INTS6L: variants seen among roughly 807,000 people sequenced by gnomAD.
INTS6L encodes integrator complex subunit 6-like.
Under a neutral mutation model 64.7 loss-of-function variants are expected in INTS6L, and 18 were observed. The ratio of observed to expected loss-of-function variants is 0.28; its 90% CI spans 0.19 to 0.41. INTS6L has a LOEUF of 0.41. Among genes scored for constraint, INTS6L ranks in the 10% least tolerant of loss-of-function variants. The probability of loss-of-function intolerance (pLI) is 1.00; values close to 1 mark genes in which losing one functional copy is unlikely to be tolerated. For missense variants in INTS6L, 533 were observed against 661.0 expected, an observed-to-expected ratio of 0.81 and a Z score of 2.12; for synonymous variants, 227 against 235.9, an observed-to-expected ratio of 0.96 and a Z score of 0.34.
chrX:135,577,331 C>T lies in INTS6L; in HGVS notation c.2023C>T (p.Pro675Ser), dbSNP rs1556531596. 1 of 1,211,659 alleles carries T rather than the reference C, an allele frequency of 8.3e-7. No homozygotes were observed. Residue 675 changes from proline to serine, a missense_variant, in exon 15 of 18, where the codon CCT becomes TCT. Coordinates refer to ENST00000639893, the MANE Select transcript of INTS6L (RefSeq NM_001351601.3). ...SLLLRKPQTP[P>S]TVTNHVGGKG... ...GCTGTTGAGGAAACCACAAACACCA[C>T]CTACTGTAACTAACCATGTGGGCGG...
intron 10 of INTS6L, 60 bp downstream of exon 10, chrX:135,569,491 A>G: frequency 1.3e-6 from 1 of 748,493 alleles, no homozygotes; most frequent in Non-Finnish European, 1.8e-6. Flanking sequence ...GTCACAAGAA[A>G]TGTTAGTGAT....
chrX:135,578,734 C>T (rs2087296853), intron 15 of INTS6L, among the ~76,000 whole-genome samples: 2 of 111,513 alleles, frequency 1.8e-5, no homozygotes, highest in South Asian at 7.7e-4. Context: ...CACTATTTCT[C>T]TCTATCCCTC....
intron 5 of INTS6L, 81 bp downstream of exon 5, chrX:135,546,966 T>C (rs1166961116): frequency 2.5e-5 from 28 of 1,133,690 alleles, no homozygotes; most frequent in Non-Finnish European, 3.3e-5. Context: ...ATCCAGTCTT[T>C]ACTTGTTTTC....
chrX:135,523,014 C>T (rs1011350419), intron 2 of INTS6L, among the ~76,000 whole-genome samples: 2 of 111,884 alleles, frequency 1.8e-5, no homozygotes, highest in Non-Finnish European at 3.8e-5. Flanking sequence ...GTAGTGTGGC[C>T]ATTTGAAGAC....
intron 2 of INTS6L, among the ~76,000 whole-genome samples, chrX:135,532,820 C>T (rs1210533276): frequency 8.9e-6 from 1 of 111,928 alleles, no homozygotes; most frequent in African/African-American, 3.2e-5. Flanking sequence ...ACCTGTAATC[C>T]CAGCACTTTG....
intron 2 of INTS6L, among the ~76,000 whole-genome samples, chrX:135,537,096 G>A (rs1556509093): frequency 8.9e-6 from 1 of 111,885 alleles, no homozygotes; most frequent in Non-Finnish European, 1.9e-5. Context: ...ATGAGAAGGT[G>A]GAAATGTGGG....
At chrX:135,550,252 T>G (rs1431498950) in intron 7 of INTS6L, among the ~76,000 whole-genome samples, 1 of 112,174 alleles carries the variant, frequency 8.9e-6, no homozygotes, top group Non-Finnish European at 1.9e-5. Context: ...AAATTCTACT[T>G]CTTCCTACTT....
At chrX:135,576,782 AAAAGGAAAT>A (rs2087241349) in intron 14 of INTS6L, among the ~76,000 whole-genome samples, 1 of 112,620 alleles carries the variant, frequency 8.9e-6, no homozygotes, top group Non-Finnish European at 1.9e-5. Context: ...TGGAGCATAA[AAAAGGAAAT>A]TATTTCCCTT....
chrX:135,569,222 A>G (rs1418964744), intron 9 of INTS6L, 115 bp from the exon 10 acceptor site: 1 of 367,457 alleles, frequency 2.7e-6, no homozygotes, highest in Admixed American at 5.4e-5. Context: ...TAATCAAATA[A>G]ACGCCAATGA....
intron 8 of INTS6L, among the ~76,000 whole-genome samples, chrX:135,555,733 G>T (rs1365666225): frequency 9.0e-6 from 1 of 111,550 alleles, no homozygotes; most frequent in African/African-American, 3.3e-5. Flanking sequence ...CTGTCACCCA[G>T]GGTGGAGCGC....
At position 135,523,334 on chromosome X, in the gene INTS6L, G is replaced by A. The variant is rs1449849041; in HGVS notation, c.189+2016G>A. ...TGAGAATTGCTTGAACCCGGGAGTCGGAGGTTGCAGTGAGCCAAGACCATG... is the reference window on the plus strand; with the variant it reads ...TGAGAATTGCTTGAACCCGGGAGTCAGAGGTTGCAGTGAGCCAAGACCATG... On this transcript the variant is annotated intron_variant, in intron 2 of 17. Transcript: ENST00000639893. 4.0e-5 allele frequency among the ~76,000 whole-genome samples: 4 copies of A among 100,513 alleles called. No individual in the cohort carries two copies. The Admixed American group carries it at 4.6e-4, about 12-fold the overall frequency. 87.3% of individuals were successfully genotyped at this position (100,513 alleles called of 115,157 possible).
chrX:135,573,853 C>G, intron 12 of INTS6L, 86 bp from the exon 13 acceptor site: 1 of 1,029,139 alleles, frequency 9.7e-7, no homozygotes. Flanking sequence ...TAACACTCTT[C>G]AATAACATTT....
chrX:135,533,978 A>C (rs1556506983), intron 2 of INTS6L, among the ~76,000 whole-genome samples: 3 of 111,116 alleles, frequency 2.7e-5, no homozygotes, highest in African/African-American at 9.8e-5. Flanking sequence ...TTTCTGCTTC[A>C]GTAGCAGTGC....
At chrX:135,540,716 G>GCTCCTCCTC (rs149159206) in intron 2 of INTS6L, among the ~76,000 whole-genome samples, 3 of 97,345 alleles carry the variant, frequency 3.1e-5, no homozygotes, top group African/African-American at 3.8e-5. Flanking sequence ...CCTCCTAGCT[G>GCTCCTCCTC]CTCCTCCTCC....
At chrX:135,541,914 C>CT (rs1172743206) in intron 2 of INTS6L, among the ~76,000 whole-genome samples, 3 of 112,142 alleles carry the variant, frequency 2.7e-5, no homozygotes, top group East Asian at 2.8e-4. Context: ...TTATAATTAT[C>CT]TTTTTGGTAG....
At chrX:135,547,482 T>C (rs960814063) in intron 6 of INTS6L, among the ~76,000 whole-genome samples, 20 of 112,076 alleles carry the variant, frequency 1.8e-4, no homozygotes, top group African/African-American at 6.2e-4. Flanking sequence ...TAAGAACGTG[T>C]TTCCTTTTCC....
At position 135,546,437 on chromosome X, in the gene INTS6L, A is replaced by T; in HGVS notation, c.397A>T (p.Lys133Ter). Residue 133 changes from lysine to a stop codon, truncating the protein, a stop_gained, in exon 4 of 18, where the codon AAG (lysine) becomes TAG (stop). Coordinates refer to ENST00000639893, the MANE Select transcript of INTS6L (RefSeq NM_001351601.3). LOFTEE classifies it high-confidence loss of function. ...TTTAATTACCATCACAGATGGAAAC[A>T]AGTTAACAAGTACTGCTGGTGTTCA... ...SILITITDGN[K>*]LTSTAGVQEE... 8.5e-7 allele frequency: 1 copy of T among 1,175,072 alleles called. No individual in the cohort carries two copies. The highest frequency in any genetic ancestry group is 1.8e-5 in the African/African-American group (1 of 55,491).
chrX:135,580,188 A>G, intron 16 of INTS6L, 26 bp downstream of exon 16: 1 of 1,156,549 alleles, frequency 8.6e-7, no homozygotes, highest in Non-Finnish European at 1.2e-6. Flanking sequence ...ACATCTATCA[A>G]TAATGCACCA....
intron 2 of INTS6L, among the ~76,000 whole-genome samples, chrX:135,527,744 A>G (rs2085779825): frequency 9.0e-6 from 1 of 111,156 alleles, no homozygotes; most frequent in Non-Finnish European, 1.9e-5. Context: ...AAGGGAGGGG[A>G]GAATAAAAGG....
Sources: gnomAD v4.1 joint callset for allele counts (sites outside exome capture counted in the v4.1 genomes callset) on GRCh38, gnomAD v4.1.1 for gene constraint, MANE v1.5 for transcripts, NCBI Gene and HGNC (gene_info 2026-07-23, HGNC 2026-07-21) for gene names.